MCOLN3: variants seen among roughly 807,000 people sequenced by gnomAD.
MCOLN3 encodes mucolipin TRP cation channel 3, also known as mucolipin-3.
A neutral mutation model predicts 69.4 loss-of-function variants in MCOLN3; 62 were observed. The ratio of observed to expected loss-of-function variants is 0.89; its 90% CI spans 0.73 to 1.10. MCOLN3 has a LOEUF of 1.10. Ranked by LOEUF, MCOLN3 falls within the 50% of genes least tolerant of loss-of-function variation. The pLI is 0.00. For synonymous variants in MCOLN3, 183 were observed against 217.0 expected (o/e 0.84, Z 1.38); for missense variants, 564 against 656.4 (o/e 0.86, Z 1.54).
intron 4 of MCOLN3, among the ~76,000 whole-genome samples, chr1:85,033,491 A>G (rs1001703848): frequency 6.6e-6 from 1 of 152,192 alleles, no homozygotes; most frequent in African/African-American, 2.4e-5. Context: ...GGCTGTTGTT[A>G]AAAGTATTTC....
At chr1:85,046,308 G>T (rs367988105) in intron 1 of MCOLN3, among the ~76,000 whole-genome samples, 25 of 158 alleles carry the variant, frequency 0.16, no homozygotes, top group South Asian at 0.5. Flanking sequence ...TATCTATTTG[G>T]GGGGGGGGGC....
Position 85,025,987 on chromosome 1 carries a change from G to T in MCOLN3, c.1047C>A (p.Asp349Glu). The change falls in exon 9 of 13, where the codon GAC becomes GAA. Residue 349 changes from aspartate to glutamate, a missense_variant. Coordinates refer to ENST00000370589, the MANE Select transcript of MCOLN3 (RefSeq NM_018298.11). ...GAATTGATCCAATGATTGTCAATAT[G>T]TCACTAATAATAATCATAATGTACC... Reference protein sequence around the residue: ...NGWYIMIIISDILTIIGSILK... With the variant: ...NGWYIMIIISEILTIIGSILK... 1.3e-6 allele frequency: 2 copies of T among 1,598,140 alleles called. No homozygotes were observed. Among genetic ancestry groups the T allele is most frequent in the Non-Finnish European group, 8.5e-7 (1 of 1,172,036 alleles).
chr1:85,026,706 A>G (rs1405100722), intron 7 of MCOLN3, among the ~76,000 whole-genome samples: 3 of 151,814 alleles, frequency 2.0e-5, no homozygotes, highest in African/African-American at 4.8e-5. Context: ...GCAGTGAGCC[A>G]AGATCATGCC....
chr1:85,047,343 C>A (rs1390546351), intron 1 of MCOLN3: 1 of 152,212 alleles, frequency 6.6e-6, no homozygotes. Flanking sequence ...GTCTGAAAAG[C>A]CCTTCCGAGG....
chr1:85,045,980 C>T (rs909734429), intron 1 of MCOLN3, among the ~76,000 whole-genome samples: 10 of 152,194 alleles, frequency 6.6e-5, no homozygotes, highest in Non-Finnish European at 1.5e-4. Flanking sequence ...ATGGGAATAA[C>T]TACACCTACC....
intron 9 of MCOLN3, chr1:85,025,308 T>C (rs1652155812): frequency 6.6e-6 from 1 of 152,238 alleles, no homozygotes; most frequent in Non-Finnish European, 1.5e-5. Flanking sequence ...ATCAGTTGCA[T>C]CAAGACTAGG....
chr1:85,021,087 T>C lies in MCOLN3; in HGVS notation c.1510A>G (p.Thr504Ala). 6.2e-7 allele frequency: 1 copy of C among 1,608,988 alleles called. No homozygotes were observed. Among genetic ancestry groups the C allele is most frequent in the East Asian group, 2.2e-5 (1 of 44,806 alleles). The change falls in exon 12 of 13, where the codon ACA (threonine) becomes GCA (alanine). Residue 504 changes from threonine (T) to alanine (A), a missense_variant. Coordinates refer to ENST00000370589, the MANE Select transcript of MCOLN3 (RefSeq NM_018298.11). The stretch of plus-strand genomic sequence containing the variant: ...AAACCTACCTTAATTGTTTCGTATG[T>C]ATCAGTGATCAGTGCAATGAAAAGA... ...LSLFIALITD[T>A]YETIKQYQQD...
In MCOLN3 at chr1:85,032,914, G is replaced by T; in HGVS notation, c.593C>A (p.Thr198Lys). The change falls in exon 5 of 13, where the codon ACA becomes AAA. Residue 198 changes from threonine to lysine, a missense_variant. Thr to Lys is a moderately conservative substitution (Grantham distance 78, BLOSUM62 -1). Coordinates refer to ENST00000370589, the MANE Select transcript of MCOLN3 (RefSeq NM_018298.11). ...TAAGTTCAGTTTATTTTCTGCTGGT[G>T]TCCCAATGTGAAAAGGTTCATCTGG... is the stretch of plus-strand genomic sequence containing the variant. ...VEPDEPFHIG[T>K]PAENKLNLTL... 2.5e-6 allele frequency: 4 copies of T among 1,614,054 alleles called. No individual in the cohort carries two copies. Among genetic ancestry groups the T allele is most frequent in the Non-Finnish European group, 3.4e-6 (4 of 1,180,028 alleles).
intron 6 of MCOLN3, among the ~76,000 whole-genome samples, chr1:85,031,938 T>C (rs1044303286): frequency 2.0e-5 from 3 of 150,794 alleles, no homozygotes; most frequent in East Asian, 1.9e-4. Flanking sequence ...TAGCCGGGCA[T>C]GGTGGCGGAC....
chr1:85,047,079 A>G (rs1005555558), intron 1 of MCOLN3, among the ~76,000 whole-genome samples: 3 of 152,244 alleles, frequency 2.0e-5, no homozygotes, highest in Non-Finnish European at 4.4e-5. Context: ...AAGCTCGCAT[A>G]TGAACACCAA....
At chr1:85,034,279 G>A in intron 3 of MCOLN3, 28 bp from the exon 4 acceptor site, 1 of 1,613,272 alleles carries the variant, frequency 6.2e-7, no homozygotes, top group Middle Eastern at 1.7e-4. Flanking sequence ...AACAGAAAAT[G>A]GGAATGCCAG....
chr1:85,034,812 T>C (rs1652728916), intron 3 of MCOLN3, among the ~76,000 whole-genome samples: 1 of 152,242 alleles, frequency 6.6e-6, no homozygotes, highest in Non-Finnish European at 1.5e-5. Context: ...GTAAGAATCT[T>C]ACGGTGCCTT....
intron 1 of MCOLN3, among the ~76,000 whole-genome samples, chr1:85,048,014 C>CT (rs368129322): frequency 1.4e-3 from 211 of 152,370 alleles, no homozygotes; most frequent in African/African-American, 5.0e-3. Flanking sequence ...TCAAGGCCAT[C>CT]TGGAGCCCCG....
Position 85,019,266 on chromosome 1 carries a change from A to C in MCOLN3, c.1528-9T>G, listed in dbSNP as rs1557679512. ...CCATCTTGTTGGTATTGCTAAACAG[A>C]AGAATGTTAAAAAGCTTTTATTAAT... On this transcript the variant is annotated splice_polypyrimidine_tract_variant and intron_variant, in intron 12 of 12. Coordinates refer to ENST00000370589, the MANE Select transcript of MCOLN3 (RefSeq NM_018298.11). The C allele has an allele frequency of 6.2e-7, 1 of 1,606,726 alleles. No individual in the cohort carries two copies.
At chr1:85,031,801 G>A (rs548693865) in intron 6 of MCOLN3, among the ~76,000 whole-genome samples, 12 of 152,118 alleles carry the variant, frequency 7.9e-5, no homozygotes, top group Non-Finnish European at 1.6e-4. Flanking sequence ...GGCTGGGCAC[G>A]GTGGCTCACG....
Position 85,045,356 on chromosome 1 carries a change from G to T in MCOLN3, c.5C>A (p.Ala2Glu), listed in dbSNP as rs1653294300. Reference protein sequence around the residue: MADPEVVVSSCS... With the variant: MEDPEVVVSSCS... ...GCTACTCACAACTACCTCAGGATCT[G>T]CCATCTCTAGAGGAAAAAAACAACA... The change falls in exon 2 of 13, where the codon GCA (alanine) becomes GAA (glutamate). Residue 2 changes from alanine to glutamate, a missense_variant. Physicochemically the swap from Ala to Glu is moderately radical, Grantham distance 107 (BLOSUM62 -1). Transcript: ENST00000370589. 6.2e-7 allele frequency: 1 copy of T among 1,610,462 alleles called. No homozygotes were observed. Among genetic ancestry groups the T allele is most frequent in the Non-Finnish European group, 8.5e-7 (1 of 1,178,366 alleles).
chr1:85,043,247 G>T (rs1346419495), intron 2 of MCOLN3, among the ~76,000 whole-genome samples: 1 of 152,056 alleles, frequency 6.6e-6, no homozygotes, highest in Non-Finnish European at 1.5e-5. Context: ...AATTGAGTAT[G>T]GGCCGGGCAC....
At position 85,045,264 on chromosome 1, in the gene MCOLN3, G is replaced by T. The variant is rs542016909; in HGVS notation, c.97C>A (p.Leu33Ile). 6.2e-7 allele frequency: 1 copy of T among 1,614,094 alleles called. No homozygotes were observed. The highest frequency in any genetic ancestry group is 1.1e-5 in the South Asian group (1 of 91,078). ...NQQTSPSEEL[L>I]LEDQMRRKLK... The stretch of plus-strand genomic sequence containing the variant: ...TTTCGCCTCATCTGGTCTTCTAATA[G>T]AAGCTCCTCAGATGGAGATGTTTGC... Residue 33 changes from leucine (L) to isoleucine (I), a missense_variant, in exon 2 of 13, where the codon CTA (leucine) becomes ATA (isoleucine). Leu to Ile is a conservative substitution (Grantham distance 5). Coordinates refer to ENST00000370589, the MANE Select transcript of MCOLN3 (RefSeq NM_018298.11).
chr1:85,039,182 C>T (rs1369086645), intron 3 of MCOLN3, among the ~76,000 whole-genome samples: 1 of 152,010 alleles, frequency 6.6e-6, no homozygotes, highest in Non-Finnish European at 1.5e-5. Context: ...CTTAGAAAAA[C>T]AGTAAATCAT....
Sources: allele counts gnomAD v4.1 joint callset (sites outside exome capture counted in the v4.1 genomes callset), GRCh38; gene constraint gnomAD v4.1.1; transcripts MANE v1.5; gene names NCBI Gene and HGNC (gene_info 2026-07-23, HGNC 2026-07-21).